The following ALS2 variants were observed in gnomAD, a reference collection of about 807,000 sequenced individuals.
The protein encoded by ALS2 is alsin.
Under a neutral mutation model 203.4 loss-of-function variants are expected in ALS2, and 117 were observed. The ratio of observed to expected loss-of-function variants is 0.58; its 90% CI spans 0.50 to 0.67. The LOEUF (loss-of-function observed/expected upper bound fraction) is 0.67, where lower values mean the gene tolerates loss of function less well. Ranked by LOEUF, ALS2 falls within the 30% of genes least tolerant of loss-of-function variation. The probability of loss-of-function intolerance (pLI) is 0.00; values close to 1 mark genes in which losing one functional copy is unlikely to be tolerated. For synonymous variants in ALS2, 718 were observed against 725.9 expected (o/e 0.99, Z 0.17); for missense variants, 1,715 against 1,989.4 (o/e 0.86, Z 2.62).
In ALS2 at chr2:201,766,889, A is replaced by C. The variant is rs186173068; in HGVS notation, c.175+340T>G. 2.2e-3 allele frequency among the ~76,000 whole-genome samples: 321 copies of C among 148,182 alleles called. 3 individuals are homozygous for C. Among genetic ancestry groups the C allele is most frequent in the African/African-American group, 7.2e-3 (292 of 40,522 alleles). ...TTCTCACTCATAGGTGGGAATTGAAAAACGAGAACACATGGACACAGTAAG... is the reference window on the plus strand; with the variant it reads ...TTCTCACTCATAGGTGGGAATTGAACAACGAGAACACATGGACACAGTAAG... On this transcript the variant is annotated intron_variant, in intron 3 of 33. Transcript: ENST00000264276.
In ALS2 at chr2:201,757,478, T is replaced by C; in HGVS notation, c.1395A>G (p.Ser465=). 1 of 1,613,944 alleles carries C rather than the reference T, an allele frequency of 6.2e-7. No homozygotes were observed. The highest frequency in any genetic ancestry group is 8.5e-7 in the Non-Finnish European group (1 of 1,179,918). The change falls in exon 5 of 34, where the codon TCA becomes TCG. Residue 465 remains serine (S), a synonymous_variant. Coordinates refer to ENST00000264276, the MANE Select transcript of ALS2 (RefSeq NM_020919.4). The stretch of plus-strand genomic sequence containing the variant: ...CTTCTTCTCTGATATCCACAAGACT[T>C]GAACTTTTCTTTCCTTGCATTGATT... ...KQESMQGKKS[S]SLVDIREEET... is the part of the protein sequence containing the mutation.
At chr2:201,772,706 G>A (rs75553544) in intron 1 of ALS2, among the ~76,000 whole-genome samples, 8 of 152,044 alleles carry the variant, frequency 5.3e-5, no homozygotes, top group African/African-American at 1.7e-4. Flanking sequence ...AACAACTATC[G>A]TTTTTTAGTA....
Position 201,727,705 on chromosome 2 carries a change from A to C in ALS2, c.2912T>G (p.Val971Gly), listed in dbSNP as rs1470865971. 2 of 1,551,410 alleles carry C rather than the reference A, an allele frequency of 1.3e-6. No homozygotes were observed. The highest frequency in any genetic ancestry group is 2.4e-5 in the East Asian group (1 of 40,924). Residue 971 changes from valine (V) to glycine (G), a missense_variant and splice_region_variant, in exon 16 of 34, where the codon GTG becomes GGG. Coordinates refer to ENST00000264276, the MANE Select transcript of ALS2 (RefSeq NM_020919.4). The part of the protein sequence containing the change: ...AEPLSEEAGG[V>G]NGLKITTPEE... ...GGGTGGGGAGGGGGGACGCACTTAC[A>C]CACCACCAGCTTCTTCAGACAGTGG...
Position 201,767,249 on chromosome 2 carries a change from T to C in ALS2, c.155A>G (p.His52Arg), listed in dbSNP as rs1694137525. The change falls in exon 3 of 34, where the codon CAT becomes CGT. Residue 52 changes from histidine (H) to arginine (R), a missense_variant. Physicochemically the swap from His to Arg is conservative, Grantham distance 29 (BLOSUM62 0). Coordinates refer to ENST00000264276, the MANE Select transcript of ALS2 (RefSeq NM_020919.4). The part of the protein sequence containing the change: ...TVLQAALGVK[H>R]GVLLTEDGEV... ...ATTACCTTCAGTCAGAAGAACTCCA[T>C]GTTTCACTCCGAGGGCTGCCTGCAA... 1.2e-6 allele frequency: 2 copies of C among 1,613,996 alleles called. No individual in the cohort carries two copies. Among genetic ancestry groups the C allele is most frequent in the Non-Finnish European group, 8.5e-7 (1 of 1,180,028 alleles).
chr2:201,739,962 C>T (rs1303149610), intron 11 of ALS2, among the ~76,000 whole-genome samples: 1 of 152,060 alleles, frequency 6.6e-6, no homozygotes, highest in Non-Finnish European at 1.5e-5. Context: ...GTAAAATTAG[C>T]CCACAGTACT....
At chr2:201,761,849 A>C (rs1370013987) in intron 3 of ALS2, 31 bp from the exon 4 acceptor site, 1 of 1,610,544 alleles carries the variant, frequency 6.2e-7, no homozygotes, top group East Asian at 2.2e-5. Context: ...AAAAGAAAAA[A>C]AAAAGGGTTA....
chr2:201,705,110 G>A (rs986634433), intron 31 of ALS2, 29 bp downstream of exon 31: 1 of 1,603,822 alleles, frequency 6.2e-7, no homozygotes, highest in East Asian at 2.2e-5. Flanking sequence ...ACTTTGATTT[G>A]TATGGCTTTT....
At chr2:201,739,866 T>C (rs184469808) in intron 11 of ALS2, among the ~76,000 whole-genome samples, 2 of 152,322 alleles carry the variant, frequency 1.3e-5, no homozygotes, top group East Asian at 1.9e-4. Context: ...AGTCTAGTTA[T>C]ACTGCTTTGA....
chr2:201,732,130 T>C (rs917086720), intron 13 of ALS2, among the ~76,000 whole-genome samples: 4 of 152,216 alleles, frequency 2.6e-5, no homozygotes, highest in African/African-American at 7.2e-5. Context: ...AAAGACCTTG[T>C]AGGTCTTTTC....
chr2:201,750,533 C>T (rs376592827), intron 7 of ALS2, among the ~76,000 whole-genome samples: 8 of 151,992 alleles, frequency 5.3e-5, no homozygotes, highest in African/African-American at 1.7e-4. Context: ...GAAAACCTTT[C>T]ATACATGAAG....
At chr2:201,753,501 T>C (rs560070013) in intron 6 of ALS2, among the ~76,000 whole-genome samples, 40 of 152,296 alleles carry the variant, frequency 2.6e-4, no homozygotes, top group African/African-American at 9.6e-4. Flanking sequence ...AATGATTCTT[T>C]ATAGCAAAAA....
rs375025577 is a variant in ALS2 at position 201,707,036 on chromosome 2, G to C, written c.4404-14C>G. On this transcript the variant is annotated splice_polypyrimidine_tract_variant and intron_variant, in intron 28 of 33. Transcript: ENST00000264276. ...GTTACTACATAACTACAAAATAATG[G>C]AGTGGGAGAAAAGGAGCATTTTTCA... The C allele has an allele frequency of 1.9e-6, 3 of 1,608,514 alleles. No homozygotes were observed. Among genetic ancestry groups the C allele is most frequent in the Non-Finnish European group, 2.5e-6 (3 of 1,176,742 alleles).
chr2:201,728,218 T>G (rs376258405), intron 15 of ALS2, among the ~76,000 whole-genome samples: 3 of 152,048 alleles, frequency 2.0e-5, no homozygotes, highest in African/African-American at 7.3e-5. Context: ...TTACATTAGG[T>G]GTATCTCCTA....
In ALS2 at chr2:201,729,053, G is replaced by A. The variant is rs758518493; in HGVS notation, c.2711C>T (p.Thr904Met). Reference sequence around the variant, plus strand: ...CAAATGACAACTGGCATGGCTTACCGTCATTTTTCCGGGGAAGGTCTTCCA... The same window carrying A: ...CAAATGACAACTGGCATGGCTTACCATCATTTTTCCGGGGAAGGTCTTCCA... ...GFWKTFPGKMTDSLRKPERRL... is the reference protein window; with the variant it reads ...GFWKTFPGKMMDSLRKPERRL... Residue 904 changes from threonine (T) to methionine (M), a missense_variant and splice_region_variant, in exon 14 of 34, where the codon ACG (threonine) becomes ATG (methionine). By Grantham distance (81) the Thr-to-Met change is moderately conservative. Transcript: ENST00000264276. 8.7e-6 allele frequency: 14 copies of A among 1,613,998 alleles called. No homozygotes were observed. The highest frequency in any genetic ancestry group is 4.5e-5 in the East Asian group (2 of 44,888).
At chr2:201,760,573 A>C (rs1693699830) in intron 4 of ALS2, 1 of 1,157,980 alleles carries the variant, frequency 8.6e-7, no homozygotes, top group Non-Finnish European at 1.1e-6. Context: ...TTCAGGGCCC[A>C]CCAAAATTCA....
intron 23 of ALS2, among the ~76,000 whole-genome samples, chr2:201,721,745 A>G (rs192792990): frequency 3.0e-4 from 45 of 152,132 alleles, no homozygotes; most frequent in African/African-American, 1.0e-3. Flanking sequence ...CTCACTGCAA[A>G]CTCCGCCTCC....
rs541782445 is a variant in ALS2 at position 201,753,299 on chromosome 2, C to A, written c.1641-57G>T. On this transcript the variant is annotated intron_variant, in intron 6 of 33. Transcript: ENST00000264276. ...AAAGTATTCTCAGCAAGAATCGTAG[C>A]CTTTCTCAAATTATAAAGTGCTGTC... 14 of 1,418,442 alleles carry A rather than the reference C, an allele frequency of 9.9e-6. No individual in the cohort carries two copies. The Admixed American group carries it at 1.2e-4, about 12-fold the overall frequency. The allele number at this position is 1,418,442 out of a possible 1,614,324, so 87.9% of individuals were successfully genotyped here.
intron 3 of ALS2, 150 bp from the exon 4 acceptor site, chr2:201,761,968 C>T (rs1693797735): frequency 1.2e-6 from 1 of 819,778 alleles, no homozygotes; most frequent in African/African-American, 1.7e-5. Context: ...CTGGTTCAAG[C>T]ACACAGTATT....
intron 5 of ALS2, 120 bp from the exon 6 acceptor site, chr2:201,754,791 T>C: frequency 9.3e-7 from 1 of 1,073,802 alleles, no homozygotes; most frequent in Non-Finnish European, 1.4e-6. Flanking sequence ...TTGAAGCATA[T>C]TCTAGAGGCT....
Sources: gnomAD v4.1 joint callset for allele counts (sites outside exome capture counted in the v4.1 genomes callset) on GRCh38, gnomAD v4.1.1 for gene constraint, MANE v1.5 for transcripts, NCBI Gene and HGNC (gene_info 2026-07-23, HGNC 2026-07-21) for gene names.